Variants in CACNA1C observed in about 807,000 individuals in gnomAD.
CACNA1C encodes the protein voltage-dependent L-type calcium channel subunit alpha-1C.
CACNA1C carries 30 observed loss-of-function variants against 229.0 expected under a neutral mutation model. That is an observed-to-expected ratio of 0.13 (90% CI 0.10 to 0.18). The LOEUF (loss-of-function observed/expected upper bound fraction) is 0.18. Ranked by LOEUF, CACNA1C falls within the 10% of genes least tolerant of loss-of-function variation. The pLI is 1.00. For synonymous variants in CACNA1C, 1,114 were observed against 1,132.5 expected, an observed-to-expected ratio of 0.98 and a Z score of 0.33; for missense variants, 1,658 against 2,845.0, an observed-to-expected ratio of 0.58 and a Z score of 9.49.
intron 3 of CACNA1C, among the ~76,000 whole-genome samples, chr12:2,199,135 C>T (rs2097510409): frequency 6.6e-6 from 1 of 152,138 alleles, no homozygotes; most frequent in Non-Finnish European, 1.5e-5. Flanking sequence ...ACCATCCCCT[C>T]AACTCCCCTC....
At chr12:2,616,682 C>T (rs116573501) in intron 29 of CACNA1C, among the ~76,000 whole-genome samples, 2,437 of 152,386 alleles carry the variant, frequency 0.016, 69 homozygotes, top group African/African-American at 0.055. Context: ...CTAGACTTCC[C>T]CATCAGCATT....
chr12:2,233,516 A>T (rs188652398), intron 3 of CACNA1C, among the ~76,000 whole-genome samples: 114 of 152,286 alleles, frequency 7.5e-4, no homozygotes, highest in African/African-American at 2.6e-3. Flanking sequence ...CAGATTGTTC[A>T]GCATTCTAAA....
intron 3 of CACNA1C, among the ~76,000 whole-genome samples, chr12:2,153,884 C>T (rs2095419681): frequency 6.6e-6 from 1 of 152,216 alleles, no homozygotes; most frequent in Non-Finnish European, 1.5e-5. Flanking sequence ...CTCAGAGAAG[C>T]TGAATAATCA....
At position 2,014,799 on chromosome 12, in the gene CACNA1C, G is replaced by T. The variant is rs562635438; in HGVS notation, c.139+43598G>T. Among the ~76,000 whole-genome samples, 60 of 152,184 alleles carry T rather than the reference G, an allele frequency of 3.9e-4. 1 individual carries two copies. The Middle Eastern group carries it at 0.01, about 26-fold the overall frequency. ...CTTTTCTGGTTGGCTTGAGCTTTAG[G>T]CCTTACAGAGGAGCCAGAGACTTGT... On this transcript the variant is annotated intron_variant, in intron 1 of 46. Transcript: ENST00000682462.
chr12:2,540,825 G>A (rs1356850060), intron 9 of CACNA1C, among the ~76,000 whole-genome samples: 2 of 152,216 alleles, frequency 1.3e-5, no homozygotes, highest in South Asian at 4.1e-4. Context: ...GGACATGAGA[G>A]AGAACCGACA....
At chr12:2,249,700 C>T (rs1417750795) in intron 3 of CACNA1C, among the ~76,000 whole-genome samples, 4 of 151,996 alleles carry the variant, frequency 2.6e-5, no homozygotes, top group African/African-American at 7.3e-5. Context: ...AAGGTGAGGC[C>T]AGGCCTAAAA....
At position 2,692,057 on chromosome 12, in the gene CACNA1C, T is replaced by A. The variant is rs2097795195; in HGVS notation, c.*858T>A. 1 of 152,242 alleles carries A rather than the reference T, an allele frequency of 6.6e-6. No individual in the cohort carries two copies. The highest frequency in any genetic ancestry group is 6.5e-5 in the Admixed American group (1 of 15,286). 9.4% of individuals were successfully genotyped at this position (152,242 alleles called of 1,614,324 possible). ...CCCCTCACCTTTCTGTTTTCACTTT[T>A]GCCAATGTACATCGGGTTTGGTTTT... On this transcript the variant is annotated 3_prime_UTR_variant, in exon 47 of 47. Transcript: ENST00000399655.
At chr12:2,189,133 G>A (rs549009108) in intron 3 of CACNA1C, among the ~76,000 whole-genome samples, 9 of 148,488 alleles carry the variant, frequency 6.1e-5, no homozygotes, top group African/African-American at 9.9e-5. Flanking sequence ...CATTCCCAAC[G>A]TGAAGCATCA....
rs1388829355 is a variant in CACNA1C, at chr12:2,135,553, G to T, written c.477+15123G>T. ...CAGGACCCTCAGCTGCAGGTCTGTT[G>T]GAGTACCCTGCTGTGAGAGGTGTCA... On this transcript the variant is annotated intron_variant, in intron 3 of 46. Coordinates refer to ENST00000399655, the MANE Select transcript of CACNA1C (RefSeq NM_000719.7). Among the ~76,000 whole-genome samples the T allele has an allele frequency of 1.8e-4, 24 of 131,148 alleles. 3 individuals carry two copies. The highest frequency in any genetic ancestry group is 3.6e-4 in the Non-Finnish European group (23 of 64,482). The allele number at this position is 131,148 out of a possible 152,430, so 86.0% of individuals were successfully genotyped here.
At chr12:2,024,081 G>A (rs1245211361) in intron 1 of CACNA1C, among the ~76,000 whole-genome samples, 10 of 152,180 alleles carry the variant, frequency 6.6e-5, no homozygotes, top group Non-Finnish European at 1.3e-4. Context: ...GACAGATGTT[G>A]AGCTTGGGTT....
intron 3 of CACNA1C, among the ~76,000 whole-genome samples, chr12:2,314,455 G>A (rs978712448): frequency 1.3e-5 from 2 of 152,178 alleles, no homozygotes; most frequent in African/African-American, 4.8e-5. Flanking sequence ...GCCAGCACCC[G>A]GGTCAAGACA....
intron 4 of CACNA1C, among the ~76,000 whole-genome samples, chr12:2,450,627 G>A (rs2099360918): frequency 6.6e-6 from 1 of 150,826 alleles, no homozygotes; most frequent in Non-Finnish European, 1.5e-5. Flanking sequence ...ATAGGAGGGA[G>A]CCCATTGCAG....
intron 3 of CACNA1C, among the ~76,000 whole-genome samples, chr12:2,338,003 C>G (rs1468253905): frequency 6.6e-6 from 1 of 152,132 alleles, no homozygotes; most frequent in African/African-American, 2.4e-5. Context: ...AATGACTGTC[C>G]CAGGATTAAG....
chr12:2,423,899 G>A (rs2099002982), intron 3 of CACNA1C, among the ~76,000 whole-genome samples: 1 of 152,224 alleles, frequency 6.6e-6, no homozygotes, highest in African/African-American at 2.4e-5. Context: ...GGTAAGGTCA[G>A]TGGCAGGTGC....
intron 1 of CACNA1C, among the ~76,000 whole-genome samples, chr12:2,035,409 A>G (rs2048957460): frequency 6.6e-6 from 1 of 152,188 alleles, no homozygotes; most frequent in Non-Finnish European, 1.5e-5. Context: ...TGAGGCTTGC[A>G]AGGCAGGGAG....
chr12:2,024,597 C>T (rs2046995635), intron 1 of CACNA1C, among the ~76,000 whole-genome samples: 1 of 152,142 alleles, frequency 6.6e-6, no homozygotes, highest in African/African-American at 2.4e-5. Flanking sequence ...CCCTCTCAGC[C>T]CAACAACCAG....
chr12:2,016,630 A>T (rs1473894073), intron 1 of CACNA1C, among the ~76,000 whole-genome samples: 1 of 152,108 alleles, frequency 6.6e-6, no homozygotes, highest in Admixed American at 6.6e-5. Context: ...GGGTTTCACC[A>T]TGTTGGCCAG....
upstream of CACNA1C, among the ~76,000 whole-genome samples, chr12:2,052,601 G>A (rs973410142): frequency 6.9e-6 from 1 of 144,608 alleles, no homozygotes; most frequent in Non-Finnish European, 1.5e-5. Context: ...GCGCGAGGGG[G>A]TGTGTCCGCG....
intron 1 of CACNA1C, among the ~76,000 whole-genome samples, chr12:2,098,522 C>T (rs1440574714): frequency 6.6e-6 from 1 of 152,118 alleles, no homozygotes; most frequent in Non-Finnish European, 1.5e-5. Context: ...ACAGTGCGAT[C>T]CCCTGACAAT....
Sources: allele counts gnomAD v4.1 joint callset (sites outside exome capture counted in the v4.1 genomes callset), GRCh38; gene constraint gnomAD v4.1.1; transcripts MANE v1.5; gene names NCBI Gene and HGNC (gene_info 2026-07-23, HGNC 2026-07-21).